MYBPH: variants seen among roughly 807,000 people sequenced by gnomAD.
The protein encoded by MYBPH is myosin-binding protein H.
MYBPH carries 49 observed loss-of-function variants against 53.6 expected under a neutral mutation model. The ratio of observed to expected loss-of-function variants is 0.91; its 90% confidence interval spans 0.73 to 1.16. The LOEUF is 1.16. Among genes scored for constraint, MYBPH ranks in the 50% most tolerant of loss-of-function variants. The pLI, the probability that MYBPH is intolerant of heterozygous loss-of-function variation, is 0.00. For missense variants in MYBPH, 558 were observed against 624.1 expected (o/e 0.89, Z 1.13); for synonymous variants, 239 against 249.6 (o/e 0.96, Z 0.40).
At chr1:203,170,972 G>C in intron 6 of MYBPH, 89 bp downstream of exon 6, 4 of 1,484,334 alleles carry the variant, frequency 2.7e-6, no homozygotes, top group Non-Finnish European at 3.6e-6. Context: ...TCGATCCCTA[G>C]ACTCGGTCCC....
At chr1:203,176,469 C>A (rs1391807499), upstream of MYBPH, among the ~76,000 whole-genome samples, 16 of 152,164 alleles carry the variant, frequency 1.1e-4, no homozygotes, top group Admixed American at 9.8e-4. Context: ...GAGCTCGTCT[C>A]CCCTGATGCC....
intron 9 of MYBPH, 59 bp from the exon 10 acceptor site, chr1:203,168,734 G>A (rs534986704): frequency 5.0e-6 from 8 of 1,600,754 alleles, no homozygotes; most frequent in South Asian, 3.3e-5. Flanking sequence ...GAAAGTTCAC[G>A]GTTATACACC....
intron 3 of MYBPH, among the ~76,000 whole-genome samples, chr1:203,173,087 G>C (rs1183012803): frequency 2.0e-5 from 3 of 152,160 alleles, no homozygotes; most frequent in Non-Finnish European, 2.9e-5. Context: ...TTCCCCACTT[G>C]TTCACAGCCT....
intron 7 of MYBPH, 96 bp downstream of exon 7, chr1:203,170,195 G>A (rs546125847): frequency 2.7e-5 from 40 of 1,475,226 alleles, no homozygotes; most frequent in Admixed American, 1.4e-4. Flanking sequence ...AGGGGCAGAC[G>A]CCCAGGAGAA....
chr1:203,171,358 C>T lies in MYBPH; in HGVS notation c.793+25G>A. ...TGGGGGCTCCAGGTCCCCCATGAGA[C>T]AGCACTGTTCCCCTGGCTCCATACC... On this transcript the variant is annotated intron_variant, in intron 5 of 10. Coordinates refer to ENST00000255416, the MANE Select transcript of MYBPH (RefSeq NM_004997.3). This position sits in a 1 kb window ranked among gnomAD's most constrained non-coding sequence, Gnocchi z 4.2. 1.9e-6 allele frequency: 3 copies of T among 1,601,276 alleles called. No individual in the cohort carries two copies. The highest frequency in any genetic ancestry group is 1.1e-5 in the South Asian group (1 of 89,116).
rs764064538 is a variant in MYBPH at position 203,171,448 on chromosome 1, C to T, written c.728G>A (p.Arg243His). The T allele has an allele frequency of 1.8e-5, 29 of 1,613,806 alleles. No individual in the cohort carries two copies. The highest frequency in any genetic ancestry group is 1.7e-4 in the Admixed American group (10 of 60,012). The change falls in exon 5 of 11, where the codon CGC becomes CAC. Residue 243 changes from arginine to histidine, a missense_variant. Transcript: ENST00000255416. This position sits in a 1 kb window ranked among gnomAD's most constrained non-coding sequence, Gnocchi z 4.2. ...TTCCACGCGCACAGTGAGCTCGTAG[C>T]GGCCAGAGTCGGAGCGCTGGGCCGA... The part of the protein sequence containing the change: ...IRSAQRSDSG[R>H]YELTVRVEDL...
At position 203,171,338 on chromosome 1, in the gene MYBPH, G is replaced by T. The variant is rs372874189; in HGVS notation, c.793+45C>A. On this transcript the variant is annotated intron_variant, in intron 5 of 10. Transcript: ENST00000255416. The surrounding 1 kb of genome is among the most constrained non-coding windows in gnomAD (Gnocchi z 4.2). ...TCAGCTCTGGGATAGGAGGTTGGGGGCTCCAGGTCCCCCATGAGACAGCAC... is the reference window on the plus strand; with the variant it reads ...TCAGCTCTGGGATAGGAGGTTGGGGTCTCCAGGTCCCCCATGAGACAGCAC... 1 of 1,581,924 alleles carries T rather than the reference G, an allele frequency of 6.3e-7. No individual in the cohort carries two copies. The highest frequency in any genetic ancestry group is 1.3e-5 in the African/African-American group (1 of 74,446).
intron 1 of MYBPH, 23 bp downstream of exon 1, chr1:203,175,528 C>A (rs1218540838): frequency 4.3e-6 from 7 of 1,613,112 alleles, no homozygotes; most frequent in Non-Finnish European, 5.9e-6. Context: ...CCTCCCTCCT[C>A]CCCCTGCCCC....
In MYBPH at chr1:203,171,939, G is replaced by A; in HGVS notation, c.597+13C>T. ...CCACCCAGGCTGTTACCCTTGGTGG[G>A]GGTAATACCCACCTGGAAGGGGATT... On this transcript the variant is annotated intron_variant, in intron 4 of 10. Coordinates refer to ENST00000255416, the MANE Select transcript of MYBPH (RefSeq NM_004997.3). This position sits in a 1 kb window ranked among gnomAD's most constrained non-coding sequence, Gnocchi z 4.2. 7.6e-7 allele frequency: 1 copy of A among 1,320,494 alleles called. No homozygotes were observed. Among genetic ancestry groups the A allele is most frequent in the South Asian group, 3.0e-5 (1 of 33,418 alleles). 81.8% of individuals were successfully genotyped at this position (1,320,494 alleles called of 1,614,324 possible). A position where few individuals can be genotyped will look rare whatever the true frequency, so the allele number is the denominator to read the frequency against.
At position 203,171,399 on chromosome 1, in the gene MYBPH, A is replaced by G. The variant is rs780733032; in HGVS notation, c.777T>C (p.Ile259=). 1 of 1,613,294 alleles carries G rather than the reference A, an allele frequency of 6.2e-7. No homozygotes were observed. Among genetic ancestry groups the G allele is most frequent in the South Asian group, 1.1e-5 (1 of 90,984 alleles). The change falls in exon 5 of 11, where the codon ATT becomes ATC. Residue 259 remains isoleucine, a synonymous_variant. Coordinates refer to ENST00000255416, the MANE Select transcript of MYBPH (RefSeq NM_004997.3). This position sits in a 1 kb window ranked among gnomAD's most constrained non-coding sequence, Gnocchi z 4.2. The part of the protein sequence containing the change: ...RVEDLEAKAV[I]DILVIEKPGP... ...GCTCCATACCAATCACCAGGATGTC[A>G]ATGACTGCCTTGGCCTCCAGGTCTT... is the stretch of plus-strand genomic sequence containing the variant.
upstream of MYBPH, chr1:203,175,869 C>T (rs1571823956): frequency 1.9e-6 from 2 of 1,052,390 alleles, no homozygotes; most frequent in East Asian, 5.1e-5. Context: ...CAGGGGCTGC[C>T]CCACCCCCAG....
chr1:203,168,800 CA>C, intron 9 of MYBPH, 105 bp downstream of exon 9: 1 of 1,581,544 alleles, frequency 6.3e-7, no homozygotes, highest in East Asian at 2.2e-5. Flanking sequence ...AGCCTGACCC[CA>C]GTCTTACCAC....
chr1:203,171,429 G>A lies in MYBPH; in HGVS notation c.747C>T (p.Arg249=), dbSNP rs772924975. The change falls in exon 5 of 11, where the codon CGC becomes CGT. Residue 249 remains arginine (R), a synonymous_variant. Coordinates refer to ENST00000255416, the MANE Select transcript of MYBPH (RefSeq NM_004997.3). This position sits in a 1 kb window ranked among gnomAD's most constrained non-coding sequence, Gnocchi z 4.2. Reference sequence around the variant, plus strand: ...CTGCCTTGGCCTCCAGGTCTTCCACGCGCACAGTGAGCTCGTAGCGGCCAG... The same window carrying A: ...CTGCCTTGGCCTCCAGGTCTTCCACACGCACAGTGAGCTCGTAGCGGCCAG... ...SDSGRYELTV[R]VEDLEAKAVI... The A allele has an allele frequency of 6.8e-6, 11 of 1,613,972 alleles. No homozygotes were observed. Among genetic ancestry groups the A allele is most frequent in the South Asian group, 1.1e-5 (1 of 91,088 alleles).
chr1:203,179,122 T>C (rs1655870694), upstream of MYBPH: 1 of 218,688 alleles, frequency 4.6e-6, no homozygotes. Flanking sequence ...TGTCCTTTGA[T>C]AAGGAGGGCT....
chr1:203,169,663 G>A (rs1258065769), intron 7 of MYBPH, among the ~76,000 whole-genome samples: 7 of 152,214 alleles, frequency 4.6e-5, no homozygotes, highest in East Asian at 3.8e-4. Flanking sequence ...TGGGTTTGTC[G>A]TTGGAGACTT....
intron 3 of MYBPH, 126 bp from the exon 4 acceptor site, chr1:203,172,166 G>T: frequency 2.0e-6 from 1 of 504,182 alleles, no homozygotes; most frequent in Non-Finnish European, 3.1e-6. Context: ...GTGCCTGGCT[G>T]CCATGGGGTC....
chr1:203,175,711 C>T lies in MYBPH; in HGVS notation c.45G>A (p.Glu15=), dbSNP rs748020430. Reference sequence around the variant, plus strand: ...CCTTGGCAGATTCAGATGCGGTCTCCTCTGGACTGCAGGCAGGGCCCTCGG... The same window carrying T: ...CCTTGGCAGATTCAGATGCGGTCTCTTCTGGACTGCAGGCAGGGCCCTCGG... The part of the protein sequence containing the change: ...NTSEGPACSP[E]ETASESAKVP... Residue 15 remains glutamate, a synonymous_variant, in exon 1 of 11, where the codon GAG becomes GAA. Coordinates refer to ENST00000255416, the MANE Select transcript of MYBPH (RefSeq NM_004997.3). The T allele has an allele frequency of 1.9e-6, 3 of 1,614,098 alleles. No homozygotes were observed. Among genetic ancestry groups the T allele is most frequent in the Non-Finnish European group, 2.5e-6 (3 of 1,180,010 alleles).
chr1:203,169,150 C>T (rs2102187339), intron 8 of MYBPH, 58 bp from the exon 9 acceptor site: 3 of 1,594,132 alleles, frequency 1.9e-6, no homozygotes, highest in Middle Eastern at 1.8e-4. Flanking sequence ...GGGCTCTCAA[C>T]AGCTATCCCC....
chr1:203,170,059 G>A lies in MYBPH; in HGVS notation c.1093+232C>T, dbSNP rs139323917. 5.8e-3 allele frequency among the ~76,000 whole-genome samples: 885 copies of A among 152,320 alleles called. 14 individuals carry two copies. Among genetic ancestry groups the A allele is most frequent in the South Asian group, 0.053 (254 of 4,820 alleles). On this transcript the variant is annotated intron_variant, in intron 7 of 10. Transcript: ENST00000255416. ...GAATAAGCACACAGCCTCCAAAGGG[G>A]CATCTTTCATTTGTGTGGATTTGCT...
Sources: allele counts gnomAD v4.1 joint callset (sites outside exome capture counted in the v4.1 genomes callset), GRCh38; gene constraint gnomAD v4.1.1; non-coding constraint Gnocchi (gnomAD v3.1); transcripts MANE v1.5; gene names NCBI Gene and HGNC (gene_info 2026-07-23, HGNC 2026-07-21).